Variants in PLEKHG1 observed in about 807,000 individuals in gnomAD.
PLEKHG1 encodes pleckstrin homology and RhoGEF domain containing G1.
In PLEKHG1, 44 loss-of-function variants were observed where a neutral mutation model predicts 100.8. That is an observed-to-expected ratio of 0.44 (90% CI 0.34 to 0.56). The LOEUF (loss-of-function observed/expected upper bound fraction) is 0.56, where lower values mean the gene tolerates loss of function less well. Ranked by LOEUF, PLEKHG1 falls within the 20% of genes least tolerant of loss-of-function variation. The pLI is 0.01. For synonymous variants in PLEKHG1, 640 were observed against 662.5 expected (o/e 0.97, Z 0.52); for missense variants, 1,545 against 1,720.9 (o/e 0.90, Z 1.81).
intron 9 of PLEKHG1, 75 bp downstream of exon 10, chr6:150,809,551 G>A: frequency 6.6e-7 from 1 of 1,516,480 alleles, no homozygotes; most frequent in South Asian, 1.1e-5. Flanking sequence ...GTGGCTTTTT[G>A]AGAGCGTTCT....
At chr6:150,761,799 A>G (rs1784174666) in intron 2 of PLEKHG1, among the ~76,000 whole-genome samples, 2 of 152,144 alleles carry the variant, frequency 1.3e-5, no homozygotes, top group Non-Finnish European at 2.9e-5. Flanking sequence ...TCTACTCATC[A>G]TTTCTATTTT....
chr6:150,684,004 G>C (rs1173578944), intron 3 of PLEKHG1: 1 of 354,848 alleles, frequency 2.8e-6, no homozygotes, highest in Non-Finnish European at 5.5e-6. Context: ...GGAGACCGCA[G>C]GTAGATGTCC....
chr6:150,765,681 A>G (rs528274322), intron 2 of PLEKHG1, among the ~76,000 whole-genome samples: 20 of 152,208 alleles, frequency 1.3e-4, no homozygotes, highest in African/African-American at 4.6e-4. Context: ...GAGCTTCTCA[A>G]ACTATCCATG....
chr6:150,810,463 CA>C (rs754399375), intron 10 of PLEKHG1, among the ~76,000 whole-genome samples: 20,982 of 124,468 alleles, frequency 0.17, 1,880 homozygotes, highest in Non-Finnish European at 0.2. Flanking sequence ...GACCCTGTCT[CA>C]AAAAAAAGAA....
At chr6:150,800,647 C>G (rs1305133130) in intron 5 of PLEKHG1, 72 bp from the exon 7 acceptor site, 40 of 1,406,582 alleles carry the variant, frequency 2.8e-5, no homozygotes, top group Middle Eastern at 3.6e-4. Context: ...TTTACACTTG[C>G]AATAGCATTT....
intron 3 of PLEKHG1, among the ~76,000 whole-genome samples, chr6:150,671,088 C>CATATATATATATATAT (rs10566696): frequency 9.8e-4 from 144 of 147,498 alleles, no homozygotes; most frequent in Non-Finnish European, 1.4e-3. Flanking sequence ...AGTATTCCAT[C>CATATATATATATATAT]ATATATATAT....
chr6:150,693,661 G>A (rs979596967), intron 3 of PLEKHG1, among the ~76,000 whole-genome samples: 4 of 152,066 alleles, frequency 2.6e-5, no homozygotes, highest in East Asian at 1.9e-4. Context: ...TTTCTCACCC[G>A]CTCTAAGCAC....
At chr6:150,802,753 C>T (rs561811063) in intron 6 of PLEKHG1, among the ~76,000 whole-genome samples, 146 of 151,830 alleles carry the variant, frequency 9.6e-4, no homozygotes, top group African/African-American at 3.3e-3. Context: ...CTCCGCCTCC[C>T]GGGTTCAAGC....
chr6:150,777,093 G>A (rs1785016303), intron 3 of PLEKHG1, among the ~76,000 whole-genome samples: 2 of 148,984 alleles, frequency 1.3e-5, no homozygotes, highest in African/African-American at 5.1e-5. Flanking sequence ...TGGTGCACAT[G>A]TGCGGTTGCA....
chr6:150,657,202 G>A (rs141964657), intron 3 of PLEKHG1, among the ~76,000 whole-genome samples: 4 of 152,168 alleles, frequency 2.6e-5, no homozygotes, highest in East Asian at 3.9e-4. Flanking sequence ...TTACTTAGCC[G>A]AAGTTGTTAT....
At chr6:150,751,973 G>T (rs1315005443) in intron 2 of PLEKHG1, among the ~76,000 whole-genome samples, 16 of 152,180 alleles carry the variant, frequency 1.1e-4, no homozygotes, top group Admixed American at 1.3e-4. Context: ...TGATTCACCT[G>T]AGATCAGGAG....
intron 2 of PLEKHG1, among the ~76,000 whole-genome samples, chr6:150,762,217 T>G (rs1449310704): frequency 6.8e-6 from 1 of 146,988 alleles, no homozygotes; most frequent in African/African-American, 2.7e-5. Flanking sequence ...TTTTTTTGAG[T>G]CTCACTCTGT....
chr6:150,749,226 G>A (rs567248303), intron 2 of PLEKHG1, among the ~76,000 whole-genome samples: 17 of 152,224 alleles, frequency 1.1e-4, no homozygotes, highest in African/African-American at 4.1e-4. Context: ...CAGTTAAGGC[G>A]GGTCCTCAAA....
chr6:150,834,746 C>T (rs959322603), intron 15 of PLEKHG1, among the ~76,000 whole-genome samples: 6 of 152,148 alleles, frequency 3.9e-5, no homozygotes, highest in Admixed American at 3.9e-4. Flanking sequence ...CCTTTCTTGA[C>T]ATGGTGGGCT....
chr6:150,786,845 C>T (rs964995792), intron 4 of PLEKHG1, among the ~76,000 whole-genome samples: 1 of 151,900 alleles, frequency 6.6e-6, no homozygotes, highest in African/African-American at 2.4e-5. Context: ...GCCTGGCCAA[C>T]ATGGTGAAAC....
At chr6:150,779,817 T>G (rs1044801251) in intron 3 of PLEKHG1, among the ~76,000 whole-genome samples, 3 of 151,404 alleles carry the variant, frequency 2.0e-5, no homozygotes, top group African/African-American at 7.3e-5. Flanking sequence ...ATACAAAAAA[T>G]TAGTCAGGCA....
At chr6:150,748,176 TATC>T (rs1364639648) in intron 2 of PLEKHG1, among the ~76,000 whole-genome samples, 1 of 152,254 alleles carries the variant, frequency 6.6e-6, no homozygotes, top group Non-Finnish European at 1.5e-5. Flanking sequence ...CTTAGCATAT[TATC>T]TTCAAGGTTC....
intron 3 of PLEKHG1, among the ~76,000 whole-genome samples, chr6:150,680,843 A>C (rs1349012938): frequency 6.6e-6 from 1 of 152,192 alleles, no homozygotes; most frequent in Non-Finnish European, 1.5e-5. Context: ...TGTAGCTTTT[A>C]CACTTGAAGG....
At chr6:150,811,407 A>T (rs958008411) in intron 10 of PLEKHG1, among the ~76,000 whole-genome samples, 3 of 151,954 alleles carry the variant, frequency 2.0e-5, no homozygotes, top group Non-Finnish European at 4.4e-5. Flanking sequence ...AATAGCTGGG[A>T]CCACAGGCTT....
Sources: allele counts gnomAD v4.1 joint callset (sites outside exome capture counted in the v4.1 genomes callset), GRCh38; gene constraint gnomAD v4.1.1; transcripts MANE v1.5; gene names NCBI Gene and HGNC (gene_info 2026-07-23, HGNC 2026-07-21).